Variants in CDH8 observed in about 807,000 individuals in gnomAD.
CDH8 encodes the protein cadherin 8, also known as cadherin-8.
Under a neutral mutation model 68.1 loss-of-function variants are expected in CDH8, and 17 were observed. The ratio of observed to expected loss-of-function variants is 0.25; its 90% CI spans 0.17 to 0.37. The LOEUF (loss-of-function observed/expected upper bound fraction) is 0.37, where lower values mean the gene tolerates loss of function less well. Ranked by LOEUF, CDH8 falls within the 10% of genes least tolerant of loss-of-function variation. The pLI is 1.00. For missense variants in CDH8, 763 were observed against 999.3 expected (o/e 0.76, Z 3.19); for synonymous variants, 372 against 365.1 (o/e 1.02, Z -0.21).
intron 2 of CDH8, among the ~76,000 whole-genome samples, chr16:61,912,833 C>G (rs993193953): frequency 2.0e-5 from 3 of 152,104 alleles, no homozygotes; most frequent in Non-Finnish European, 4.4e-5. Flanking sequence ...TATACAACTA[C>G]TCTCTCAAAT....
intron 4 of CDH8, among the ~76,000 whole-genome samples, chr16:61,846,711 T>C (rs2143010478): frequency 6.6e-6 from 1 of 152,246 alleles, no homozygotes; most frequent in South Asian, 2.1e-4. Flanking sequence ...CCACTTCACA[T>C]AGTTACTAAG....
At chr16:61,790,224 G>C (rs561821759) in intron 7 of CDH8, among the ~76,000 whole-genome samples, 1 of 152,006 alleles carries the variant, frequency 6.6e-6, no homozygotes, top group African/African-American at 2.4e-5. Context: ...AAGAAAATAC[G>C]TGAGATGTGT....
At chr16:61,813,858 A>G (rs1962012079) in intron 7 of CDH8, among the ~76,000 whole-genome samples, 1 of 152,160 alleles carries the variant, frequency 6.6e-6, no homozygotes, top group Non-Finnish European at 1.5e-5. Context: ...GTCCTGATAT[A>G]TACCAAGCAC....
intron 2 of CDH8, among the ~76,000 whole-genome samples, chr16:61,912,847 A>G (rs1240753906): frequency 1.3e-5 from 2 of 152,224 alleles, no homozygotes; most frequent in Non-Finnish European, 2.9e-5. Context: ...CTCAAATATC[A>G]TTACCCCATA....
intron 2 of CDH8, among the ~76,000 whole-genome samples, chr16:61,959,930 G>T (rs944057015): frequency 7.5e-6 from 1 of 133,970 alleles, no homozygotes; most frequent in Non-Finnish European, 1.6e-5. Flanking sequence ...GGGAGGATAT[G>T]GTCATTATAC....
At chr16:61,756,134 T>C (rs890138791) in intron 8 of CDH8, among the ~76,000 whole-genome samples, 3 of 152,186 alleles carry the variant, frequency 2.0e-5, no homozygotes, top group Non-Finnish European at 4.4e-5. Flanking sequence ...ATAGAGATTT[T>C]GTAACCAAGT....
chr16:61,903,154 G>A (rs1250112405), intron 2 of CDH8, among the ~76,000 whole-genome samples: 1 of 152,004 alleles, frequency 6.6e-6, no homozygotes, highest in East Asian at 1.9e-4. Context: ...ATTACATTTG[G>A]TGTCATTATT....
chr16:61,821,558 A>G (rs574626615), intron 5 of CDH8, among the ~76,000 whole-genome samples: 1 of 152,158 alleles, frequency 6.6e-6, no homozygotes, highest in Non-Finnish European at 1.5e-5. Flanking sequence ...GTCACTTTTG[A>G]ACTTACCTTT....
chr16:61,708,784 C>T (rs1173524510), intron 10 of CDH8, among the ~76,000 whole-genome samples: 1 of 152,260 alleles, frequency 6.6e-6, no homozygotes, highest in Admixed American at 6.5e-5. Flanking sequence ...ATGCATAGTG[C>T]TGTTCTCCGT....
At chr16:62,000,431 G>A (rs1033038920) in intron 2 of CDH8, among the ~76,000 whole-genome samples, 98 of 152,144 alleles carry the variant, frequency 6.4e-4, no homozygotes, top group Non-Finnish European at 1.2e-3. Flanking sequence ...GTGTAAAAGC[G>A]TTCCTATTTC....
At chr16:61,698,438 A>T (rs942148812) in intron 10 of CDH8, among the ~76,000 whole-genome samples, 1 of 152,198 alleles carries the variant, frequency 6.6e-6, no homozygotes, top group Non-Finnish European at 1.5e-5. Flanking sequence ...TATTAGAAGC[A>T]TAATAAAGAC....
rs573939989 is a variant in CDH8 at position 61,864,363 on chromosome 16, C to G, written c.548-7125G>C. Among the ~76,000 whole-genome samples the G allele has an allele frequency of 1.1e-3, 166 of 151,904 alleles. 1 individual carries two copies. The highest frequency in any genetic ancestry group is 3.9e-3 in the African/African-American group (163 of 41,408). On this transcript the variant is annotated intron_variant, in intron 3 of 11. Transcript: ENST00000577390. Reference sequence around the variant, plus strand: ...GTTGGTTGATTGAAAGTCTCCACCCCCTCCCCATCACACTGCTTCCCCAAC... The same window carrying G: ...GTTGGTTGATTGAAAGTCTCCACCCGCTCCCCATCACACTGCTTCCCCAAC...
rs575794251 is a variant in CDH8, at chr16:61,844,403, A to G, written c.667+12716T>C. ...TATGTAACAAACCTGCACGTTGTGC[A>G]CATGTACCCTAAAACTTAAAATATA... On this transcript the variant is annotated intron_variant, in intron 4 of 11. Transcript: ENST00000577390. Among the ~76,000 whole-genome samples, 11 of 152,266 alleles carry G rather than the reference A, an allele frequency of 7.2e-5. No homozygotes were observed. The South Asian group carries it at 2.3e-3, about 32-fold the overall frequency.
chr16:61,654,368 C>T (rs1963394038), intron 11 of CDH8, among the ~76,000 whole-genome samples: 1 of 152,082 alleles, frequency 6.6e-6, no homozygotes, highest in African/African-American at 2.4e-5. Context: ...GTGAAAGTTA[C>T]ATTTTATGCT....
intron 2 of CDH8, among the ~76,000 whole-genome samples, chr16:61,951,382 G>A (rs913145200): frequency 3.3e-5 from 5 of 151,734 alleles, no homozygotes; most frequent in East Asian, 3.9e-4. Context: ...GCGTGCTGGC[G>A]GGCGCCTATA....
At chr16:61,713,119 A>C (rs1045185118) in intron 10 of CDH8, among the ~76,000 whole-genome samples, 1 of 151,652 alleles carries the variant, frequency 6.6e-6, no homozygotes, top group Non-Finnish European at 1.5e-5. Flanking sequence ...TCAAGTTTTA[A>C]ATTTTTTTTA....
intron 2 of CDH8, among the ~76,000 whole-genome samples, chr16:61,995,073 G>T (rs977846899): frequency 6.6e-6 from 1 of 152,140 alleles, no homozygotes; most frequent in African/African-American, 2.4e-5. Flanking sequence ...CATGCTAGCT[G>T]TCTTGTTCCT....
At chr16:61,953,895 T>TTATCTATATA (rs1175766518) in intron 2 of CDH8, among the ~76,000 whole-genome samples, 2 of 118,878 alleles carry the variant, frequency 1.7e-5, no homozygotes, top group African/African-American at 7.5e-5. Context: ...AAAAAAAACT[T>TTATCTATATA]TATATATATA....
chr16:61,708,396 GT>G (rs767781284), intron 10 of CDH8, among the ~76,000 whole-genome samples: 1 of 152,156 alleles, frequency 6.6e-6, no homozygotes, highest in Non-Finnish European at 1.5e-5. Flanking sequence ...ACCCACAGCA[GT>G]GCTATGTCTG....
Sources: allele counts gnomAD v4.1 joint callset (sites outside exome capture counted in the v4.1 genomes callset), GRCh38; gene constraint gnomAD v4.1.1; transcripts MANE v1.5; gene names NCBI Gene and HGNC (gene_info 2026-07-23, HGNC 2026-07-21).